Variants in CNIH3 observed in about 807,000 individuals in gnomAD.
The protein encoded by CNIH3 is cornichon family AMPA receptor auxiliary protein 3.
Under a neutral mutation model 24.1 loss-of-function variants are expected in CNIH3, and 14 were observed. The ratio of observed to expected loss-of-function variants is 0.58; its 90% confidence interval spans 0.38 to 0.91. The LOEUF (loss-of-function observed/expected upper bound fraction) is 0.91. CNIH3 is among the 40% of genes least tolerant of loss of function. The probability of loss-of-function intolerance (pLI) is 0.00; values close to 1 mark genes in which losing one functional copy is unlikely to be tolerated. For synonymous variants in CNIH3, 68 were observed against 73.8 expected (o/e 0.92, Z 0.40); for missense variants, 178 against 196.8 (o/e 0.90, Z 0.57).
At chr1:224,722,966 G>T (rs147942396) in intron 3 of CNIH3, among the ~76,000 whole-genome samples, 1 of 152,332 alleles carries the variant, frequency 6.6e-6, no homozygotes, top group East Asian at 1.9e-4. Context: ...AACTTCCCCA[G>T]TCGACTGGCT....
At chr1:224,439,934 A>G (rs796948006) in intron 1 of CNIH3, among the ~76,000 whole-genome samples, 14 of 152,264 alleles carry the variant, frequency 9.2e-5, no homozygotes, top group African/African-American at 3.1e-4. Flanking sequence ...GACTACAGGC[A>G]CCCACCACCA....
intron 1 of CNIH3, among the ~76,000 whole-genome samples, chr1:224,627,764 G>A (rs1226023120): frequency 1.3e-5 from 2 of 152,166 alleles, no homozygotes; most frequent in Admixed American, 6.5e-5. Context: ...AGGCTCAGGG[G>A]CCCGGGGTGC....
At chr1:224,464,769 T>C (rs1274257365) in intron 1 of CNIH3, among the ~76,000 whole-genome samples, 3 of 152,214 alleles carry the variant, frequency 2.0e-5, no homozygotes, top group Non-Finnish European at 4.4e-5. Context: ...CTTCCAGCTG[T>C]ATTCTTCTTT....
chr1:224,498,814 G>A (rs1470759184), intron 1 of CNIH3, among the ~76,000 whole-genome samples: 5 of 152,246 alleles, frequency 3.3e-5, no homozygotes, highest in Non-Finnish European at 7.3e-5. Flanking sequence ...GCCCAGTGCT[G>A]CAACAGTGCA....
chr1:224,655,840 T>C (rs1313881056), intron 1 of CNIH3, among the ~76,000 whole-genome samples: 1 of 152,064 alleles, frequency 6.6e-6, no homozygotes, highest in Non-Finnish European at 1.5e-5. Flanking sequence ...GGAAGGAGTG[T>C]AACTATGCAT....
At chr1:224,539,757 GCCA>G (rs1679440985), downstream of CNIH3, among the ~76,000 whole-genome samples, 1 of 152,098 alleles carries the variant, frequency 6.6e-6, no homozygotes, top group East Asian at 1.9e-4. Flanking sequence ...CTTTCCCTGT[GCCA>G]CCTAGTTAGA....
At chr1:224,628,950 G>A (rs1188831399) in intron 1 of CNIH3, among the ~76,000 whole-genome samples, 1 of 141,316 alleles carries the variant, frequency 7.1e-6, no homozygotes, top group African/African-American at 2.7e-5. Flanking sequence ...CCAACCACCT[G>A]CCACCCCCAC....
chr1:224,568,771 T>C (rs544950743), intron 4 of CNIH3, among the ~76,000 whole-genome samples: 2 of 152,198 alleles, frequency 1.3e-5, no homozygotes, highest in East Asian at 3.9e-4. Context: ...TAAAAAGAAT[T>C]ACAGAAGAGT....
intron 4 of CNIH3, among the ~76,000 whole-genome samples, chr1:224,576,720 C>T (rs369607236): frequency 1.3e-5 from 2 of 152,042 alleles, no homozygotes; most frequent in South Asian, 4.2e-4. Context: ...TTTTCTAGAG[C>T]CCACATAGTG....
Position 224,617,018 on chromosome 1 carries a change from G to T in CNIH3, c.-157G>T. On this transcript the variant is annotated 5_prime_UTR_variant, in exon 1 of 6. Coordinates refer to ENST00000272133, the MANE Select transcript of CNIH3 (RefSeq NM_152495.2). ...TGCGGGAATCCAGCGCTTATTCGCT[G>T]ACCCTCGAGTCGCTTCGCTAGCTGT... 7.1e-7 allele frequency: 1 copy of T among 1,413,910 alleles called. No individual in the cohort carries two copies. Among genetic ancestry groups the T allele is most frequent in the Non-Finnish European group, 9.2e-7 (1 of 1,087,902 alleles). 87.6% of individuals were successfully genotyped at this position (1,413,910 alleles called of 1,614,324 possible). A position where few individuals can be genotyped will look rare whatever the true frequency, so the allele number is the denominator to read the frequency against.
At chr1:224,700,871 A>G (rs1687448579) in intron 3 of CNIH3, among the ~76,000 whole-genome samples, 1 of 152,254 alleles carries the variant, frequency 6.6e-6, no homozygotes. Flanking sequence ...CAGCAGGCAC[A>G]GAGTCAGGAC....
chr1:224,438,348 A>T (rs1383785912), intron 1 of CNIH3, among the ~76,000 whole-genome samples: 1 of 151,444 alleles, frequency 6.6e-6, no homozygotes, highest in East Asian at 1.9e-4. Context: ...GTGAGCTACC[A>T]CTCCTGACCC....
At chr1:224,729,566 A>G (rs1305483429) in intron 3 of CNIH3, among the ~76,000 whole-genome samples, 1 of 151,592 alleles carries the variant, frequency 6.6e-6, no homozygotes, top group Non-Finnish European at 1.5e-5. Flanking sequence ...ATTTAGTAAT[A>G]TGTATCTATA....
intron 2 of CNIH3, among the ~76,000 whole-genome samples, chr1:224,543,330 C>T (rs1171713214): frequency 1.3e-5 from 2 of 152,132 alleles, no homozygotes; most frequent in African/African-American, 4.8e-5. Flanking sequence ...TTGCCTGCTT[C>T]GGATTTGTAT....
intron 3 of CNIH3, among the ~76,000 whole-genome samples, chr1:224,695,826 C>T (rs1412642039): frequency 6.6e-6 from 1 of 152,194 alleles, no homozygotes; most frequent in Non-Finnish European, 1.5e-5. Context: ...AGCAGATTGT[C>T]ACAGCCTGAC....
intron 3 of CNIH3, among the ~76,000 whole-genome samples, chr1:224,725,898 GT>G (rs1422953167): frequency 9.9e-5 from 15 of 152,248 alleles, no homozygotes; most frequent in African/African-American, 3.6e-4. Flanking sequence ...CACCACAGTA[GT>G]AAAAATAAGA....
At chr1:224,536,603 A>G (rs1368021635) in intron 2 of CNIH3, among the ~76,000 whole-genome samples, 3 of 152,142 alleles carry the variant, frequency 2.0e-5, no homozygotes, top group East Asian at 3.9e-4. Flanking sequence ...TAATTGTTTT[A>G]ATTGTGGGAA....
intron 3 of CNIH3, among the ~76,000 whole-genome samples, chr1:224,718,139 A>G (rs1486750815): frequency 6.6e-6 from 1 of 152,188 alleles, no homozygotes; most frequent in East Asian, 1.9e-4. Context: ...CAAACGCACA[A>G]TAGGTACATT....
chr1:224,600,356 A>G (rs1426006939), intron 3 of CNIH3, among the ~76,000 whole-genome samples: 2 of 151,782 alleles, frequency 1.3e-5, no homozygotes, highest in Non-Finnish European at 2.9e-5. Flanking sequence ...TGCCTGGCTA[A>G]TTTTTTTGTA....
Sources: gnomAD v4.1 joint callset for allele counts (sites outside exome capture counted in the v4.1 genomes callset) on GRCh38, gnomAD v4.1.1 for gene constraint, MANE v1.5 for transcripts, NCBI Gene and HGNC (gene_info 2026-07-23, HGNC 2026-07-21) for gene names.